The following MBD5 variants were observed in gnomAD, a reference collection of about 807,000 sequenced individuals.
MBD5 encodes methyl-CpG-binding domain protein 5.
A neutral mutation model predicts 117.3 loss-of-function variants in MBD5; 13 were observed. That is an observed-to-expected ratio of 0.11 (90% CI 0.07 to 0.18). The LOEUF (loss-of-function observed/expected upper bound fraction) is 0.18, where lower values mean the gene tolerates loss of function less well. Ranked by LOEUF, MBD5 falls within the 10% of genes least tolerant of loss-of-function variation. MBD5 has a pLI of 1.00. For synonymous variants in MBD5, 727 were observed against 766.4 expected, an observed-to-expected ratio of 0.95 and a Z score of 0.85; for missense variants, 1,879 against 2,093.8, an observed-to-expected ratio of 0.90 and a Z score of 2.00.
intron 3 of MBD5, among the ~76,000 whole-genome samples, chr2:148,285,101 T>G (rs1302796799): frequency 6.6e-6 from 1 of 152,182 alleles, no homozygotes; most frequent in Non-Finnish European, 1.5e-5. Context: ...AATCTGAAGC[T>G]TAAAAAGAAA....
rs142735454 is a variant in MBD5, at chr2:148,451,436, G to A, written c.-556-6767G>A. Among the ~76,000 whole-genome samples the A allele has an allele frequency of 6.9e-3, 1,044 of 152,256 alleles. 12 individuals carry two copies. Among genetic ancestry groups the A allele is most frequent in the South Asian group, 0.022 (107 of 4,824 alleles). ...AATAGGTCAAAGGTGAAACAGATGGGGGGAGGTTGAATGAGGGATTGACTA... is the reference window on the plus strand; with the variant it reads ...AATAGGTCAAAGGTGAAACAGATGGAGGGAGGTTGAATGAGGGATTGACTA... On this transcript the variant is annotated intron_variant, in intron 4 of 13. Transcript: ENST00000642680.
rs992284403 is a variant in MBD5 at position 148,161,290 on chromosome 2, A to G, written c.-924-17410A>G. ...CAGAGTGGGACATTGAGCAAAGTGA[A>G]GATCCAGAAATAACCCATTGGACTT... On this transcript the variant is annotated intron_variant, in intron 1 of 13. Transcript: ENST00000642680. Among the ~76,000 whole-genome samples the G allele has an allele frequency of 5.3e-5, 8 of 152,298 alleles. No individual in the cohort carries two copies. In the South Asian group the frequency reaches 1.2e-3, roughly 24 times the overall value.
intron 4 of MBD5, among the ~76,000 whole-genome samples, chr2:148,407,982 C>T (rs1468557378): frequency 1.3e-5 from 2 of 152,140 alleles, no homozygotes; most frequent in Middle Eastern, 3.2e-3. Context: ...CCACACATTA[C>T]ATAACCTATT....
intron 1 of MBD5, among the ~76,000 whole-genome samples, chr2:148,106,846 G>A (rs183656657): frequency 2.0e-5 from 3 of 151,922 alleles, no homozygotes; most frequent in Admixed American, 1.3e-4. Context: ...ATAGATTTCT[G>A]TTTTATTCAT....
At chr2:148,023,527 A>C (rs1558890913) in intron 1 of MBD5, among the ~76,000 whole-genome samples, 1 of 152,178 alleles carries the variant, frequency 6.6e-6, no homozygotes, top group South Asian at 2.1e-4. Flanking sequence ...TTAAGCAGAA[A>C]TCTGTGCCAA....
chr2:148,123,960 A>C (rs945689714), intron 1 of MBD5, among the ~76,000 whole-genome samples: 4 of 152,192 alleles, frequency 2.6e-5, no homozygotes, highest in Non-Finnish European at 5.9e-5. Flanking sequence ...AAGAAACTTT[A>C]ATTTCAAGAA....
At chr2:148,510,986 A>T (rs1323538026) in intron 13 of MBD5, among the ~76,000 whole-genome samples, 1 of 152,178 alleles carries the variant, frequency 6.6e-6, no homozygotes, top group African/African-American at 2.4e-5. Flanking sequence ...ATGGATGAGA[A>T]ATGCCAGTGA....
intron 1 of MBD5, among the ~76,000 whole-genome samples, chr2:148,132,325 T>C (rs1218310149): frequency 1.5e-4 from 2 of 13,608 alleles, no homozygotes; most frequent in African/African-American, 2.1e-4. Context: ...AGAAATTATA[T>C]ATATACATAT....
intron 3 of MBD5, among the ~76,000 whole-genome samples, chr2:148,241,411 G>T (rs909469904): frequency 6.6e-6 from 1 of 152,022 alleles, no homozygotes; most frequent in Non-Finnish European, 1.5e-5. Flanking sequence ...ATTTGATGGG[G>T]TTCAAACTCG....
At chr2:148,086,909 T>G (rs1695810329) in intron 1 of MBD5, among the ~76,000 whole-genome samples, 1 of 152,074 alleles carries the variant, frequency 6.6e-6, no homozygotes, top group East Asian at 1.9e-4. Flanking sequence ...TCTCTATCTC[T>G]CAATCTTCCT....
At chr2:148,433,622 A>G (rs1307789685) in intron 4 of MBD5, among the ~76,000 whole-genome samples, 1 of 152,004 alleles carries the variant, frequency 6.6e-6, no homozygotes, top group Non-Finnish European at 1.5e-5. Flanking sequence ...TAATTTTTGT[A>G]TTTAGTTCTG....
rs574086322 is a variant in MBD5, at chr2:148,145,877, G to A, written c.-924-32823G>A. Among the ~76,000 whole-genome samples, 111 of 152,142 alleles carry A rather than the reference G, an allele frequency of 7.3e-4. 3 individuals carry two copies. Among genetic ancestry groups the A allele is most frequent in the African/African-American group, 2.4e-3 (100 of 41,518 alleles). On this transcript the variant is annotated intron_variant, in intron 1 of 13. Transcript: ENST00000642680. ...GTATTTTATTGAGGATTTTTGCATC[G>A]ATGTTCATCAGGGATATTGGTCTAA...
intron 2 of MBD5, among the ~76,000 whole-genome samples, chr2:148,228,050 C>T (rs1196825682): frequency 6.6e-6 from 1 of 152,224 alleles, no homozygotes; most frequent in Non-Finnish European, 1.5e-5. Context: ...ATCATGTCCT[C>T]TGCAAACAGG....
At chr2:148,383,133 C>T (rs532819457) in intron 4 of MBD5, among the ~76,000 whole-genome samples, 1 of 151,984 alleles carries the variant, frequency 6.6e-6, no homozygotes, top group South Asian at 2.1e-4. Context: ...AATAGAGACA[C>T]AAAAAACCCT....
chr2:148,485,991 CT>C, intron 10 of MBD5, 41 bp downstream of exon 10: 1 of 1,589,704 alleles, frequency 6.3e-7, no homozygotes, highest in Non-Finnish European at 8.6e-7. Context: ...AAAACAATGT[CT>C]GAGTTTGTTT....
intron 3 of MBD5, among the ~76,000 whole-genome samples, chr2:148,246,889 T>G (rs1222348557): frequency 1.3e-5 from 2 of 152,172 alleles, no homozygotes; most frequent in African/African-American, 4.8e-5. Flanking sequence ...TATAGATCAT[T>G]TGTCTATTAT....
chr2:148,095,178 CCTAT>C (rs1696037050), intron 1 of MBD5, among the ~76,000 whole-genome samples: 1 of 152,184 alleles, frequency 6.6e-6, no homozygotes, highest in African/African-American at 2.4e-5. Context: ...ATTCAGCAGC[CCTAT>C]TTAACAGGTG....
chr2:148,049,211 A>G (rs923239923), intron 1 of MBD5, among the ~76,000 whole-genome samples: 2 of 152,200 alleles, frequency 1.3e-5, no homozygotes, highest in Non-Finnish European at 2.9e-5. Flanking sequence ...GATTGTACCC[A>G]GAAACTGGAC....
intron 2 of MBD5, among the ~76,000 whole-genome samples, chr2:148,181,619 C>T (rs1191894055): frequency 6.6e-6 from 1 of 151,920 alleles, no homozygotes; most frequent in African/African-American, 2.4e-5. Context: ...CATCATATAC[C>T]TGTTGGCCTT....
Sources: gnomAD v4.1 joint callset for allele counts (sites outside exome capture counted in the v4.1 genomes callset) on GRCh38, gnomAD v4.1.1 for gene constraint, MANE v1.5 for transcripts, NCBI Gene and HGNC (gene_info 2026-07-23, HGNC 2026-07-21) for gene names.